EYS: variants seen among roughly 807,000 people sequenced by gnomAD.
The protein encoded by EYS is EGF-like photoreceptor maintenance factor, also known as protein eyes shut homolog.
In EYS, 250 loss-of-function variants were observed where a neutral mutation model predicts 282.1. The observed-to-expected ratio is 0.89, with a 90% CI of 0.80 to 0.98. The LOEUF is 0.98. Among genes scored for constraint, EYS ranks in the 50% least tolerant of loss-of-function variants. The probability of loss-of-function intolerance (pLI) is 0.00; values close to 1 mark genes in which losing one functional copy is unlikely to be tolerated. For missense variants in EYS, 4,016 were observed against 3,709.0 expected (o/e 1.08, Z -2.15); for synonymous variants, 1,355 against 1,282.9 (o/e 1.06, Z -1.20).
chr6:64,941,759 C>T (rs1769097953), intron 15 of EYS, among the ~76,000 whole-genome samples: 1 of 152,130 alleles, frequency 6.6e-6, no homozygotes, highest in Non-Finnish European at 1.5e-5. Flanking sequence ...TGGCCTCAAG[C>T]TACATCCATG....
At chr6:64,896,859 G>C (rs901970520) in intron 18 of EYS, among the ~76,000 whole-genome samples, 7 of 152,036 alleles carry the variant, frequency 4.6e-5, no homozygotes, top group African/African-American at 1.2e-4. Context: ...TGGAGGGGGG[G>C]GCCACCACAG....
At chr6:63,761,578 T>A (rs891198887) in intron 41 of EYS, among the ~76,000 whole-genome samples, 1 of 152,092 alleles carries the variant, frequency 6.6e-6, no homozygotes, top group Admixed American at 6.6e-5. Flanking sequence ...ATGAATATGA[T>A]ACTACAATAA....
chr6:64,708,593 C>G (rs1043109568), intron 22 of EYS, among the ~76,000 whole-genome samples: 1 of 152,002 alleles, frequency 6.6e-6, no homozygotes, highest in Middle Eastern at 3.2e-3. Flanking sequence ...CTTCCTTCAG[C>G]GTAAATGACA....
At chr6:64,920,870 T>C (rs1768323753) in intron 15 of EYS, among the ~76,000 whole-genome samples, 1 of 152,072 alleles carries the variant, frequency 6.6e-6, no homozygotes, top group African/African-American at 2.4e-5. Context: ...TTAAACAAAT[T>C]TATAAACATT....
chr6:64,523,084 A>C (rs1314719254), intron 26 of EYS, among the ~76,000 whole-genome samples: 1 of 151,610 alleles, frequency 6.6e-6, no homozygotes, highest in Non-Finnish European at 1.5e-5. Flanking sequence ...AATCATTAAC[A>C]GTTTTAGCAT....
chr6:64,520,720 A>T (rs1209159589), intron 26 of EYS, among the ~76,000 whole-genome samples: 1 of 151,712 alleles, frequency 6.6e-6, no homozygotes, highest in Non-Finnish European at 1.5e-5. Flanking sequence ...TTTTTCCCTG[A>T]AATTTTTACT....
intron 12 of EYS, among the ~76,000 whole-genome samples, chr6:65,157,789 GT>G (rs146937519): frequency 6.0e-5 from 9 of 150,194 alleles, no homozygotes; most frequent in East Asian, 2.0e-4. Flanking sequence ...TTTATGACAG[GT>G]TTTTTCCCCC....
chr6:64,384,494 A>T (rs1268493531), intron 29 of EYS, among the ~76,000 whole-genome samples: 1 of 152,218 alleles, frequency 6.6e-6, no homozygotes, highest in Non-Finnish European at 1.5e-5. Flanking sequence ...ACTTCTGCAT[A>T]TATAAAAAAC....
intron 1 of EYS, among the ~76,000 whole-genome samples, chr6:65,664,914 T>C (rs905545999): frequency 2.0e-5 from 3 of 152,114 alleles, no homozygotes; most frequent in Admixed American, 6.6e-5. Context: ...CTCATCCCAG[T>C]AGATAACAAA....
chr6:65,627,383 C>T (rs769500196), intron 2 of EYS, among the ~76,000 whole-genome samples: 1 of 152,144 alleles, frequency 6.6e-6, no homozygotes, highest in African/African-American at 2.4e-5. Context: ...TCACATCCCT[C>T]GCTCGCTCTC....
intron 33 of EYS, among the ~76,000 whole-genome samples, chr6:64,039,394 A>G (rs1452724254): frequency 6.6e-6 from 1 of 152,234 alleles, no homozygotes; most frequent in East Asian, 1.9e-4. Context: ...GCAAGGGAAT[A>G]CATGTTAAAA....
At chr6:63,852,799 T>A (rs1191527794) in intron 36 of EYS, among the ~76,000 whole-genome samples, 1 of 152,200 alleles carries the variant, frequency 6.6e-6, no homozygotes, top group African/African-American at 2.4e-5. Flanking sequence ...CAAGTCGACT[T>A]CATCCCTGGG....
At chr6:64,342,594 C>T (rs192750519) in intron 29 of EYS, among the ~76,000 whole-genome samples, 17 of 152,028 alleles carry the variant, frequency 1.1e-4, no homozygotes, top group African/African-American at 3.9e-4. Flanking sequence ...ACAACCGGTA[C>T]CAGCCACTGC....
chr6:63,726,511 A>C lies in EYS; in HGVS notation c.8233+8T>G, dbSNP rs886061666. On this transcript the variant is annotated splice_region_variant and intron_variant, in intron 42 of 42. Coordinates refer to ENST00000503581, the MANE Select transcript of EYS (RefSeq NM_001142800.2). ...TCATTCTGCAAACAAACAGCCTGCC[A>C]ATCTTACCTGATTGGGCTTTTAAGT... The C allele has an allele frequency of 7.1e-6, 11 of 1,546,712 alleles. No homozygotes were observed. The highest frequency in any genetic ancestry group is 8.7e-6 in the Non-Finnish European group (10 of 1,144,782).
chr6:64,521,579 A>G (rs1291094244), intron 26 of EYS, among the ~76,000 whole-genome samples: 1 of 151,680 alleles, frequency 6.6e-6, no homozygotes, highest in Non-Finnish European at 1.5e-5. Context: ...TGCCTTCCAA[A>G]CTGCACAAGT....
intron 5 of EYS, among the ~76,000 whole-genome samples, chr6:65,409,896 T>C (rs770175719): frequency 6.6e-6 from 1 of 152,080 alleles, no homozygotes; most frequent in African/African-American, 2.4e-5. Context: ...TATAAAATGT[T>C]CAGTGACCAC....
chr6:64,924,457 G>T (rs556987295), intron 15 of EYS, among the ~76,000 whole-genome samples: 5 of 152,300 alleles, frequency 3.3e-5, no homozygotes, highest in African/African-American at 1.2e-4. Flanking sequence ...ATGGTCTTCG[G>T]CATTAACATT....
At chr6:65,194,485 A>G (rs1282742743) in intron 12 of EYS, among the ~76,000 whole-genome samples, 1 of 151,984 alleles carries the variant, frequency 6.6e-6, no homozygotes, top group African/African-American at 2.4e-5. Context: ...TCCAGCAACT[A>G]ACTTATACTT....
intron 22 of EYS, among the ~76,000 whole-genome samples, chr6:64,766,273 C>T (rs1258990992): frequency 1.3e-5 from 2 of 151,760 alleles, no homozygotes; most frequent in Non-Finnish European, 2.9e-5. Context: ...CCTCTCCTCT[C>T]CTTTCCTTTT....
Sources: gnomAD v4.1 joint callset for allele counts (sites outside exome capture counted in the v4.1 genomes callset) on GRCh38, gnomAD v4.1.1 for gene constraint, MANE v1.5 for transcripts, NCBI Gene and HGNC (gene_info 2026-07-23, HGNC 2026-07-21) for gene names.